The following PCCA variants were observed in gnomAD, a reference collection of about 807,000 sequenced individuals.
PCCA encodes propionyl-CoA carboxylase alpha chain, mitochondrial.
Under a neutral mutation model 101.3 loss-of-function variants are expected in PCCA, and 74 were observed. That is an observed-to-expected ratio of 0.73 (90% CI 0.61 to 0.89). PCCA has a LOEUF of 0.89. Among genes scored for constraint, PCCA ranks in the 40% least tolerant of loss-of-function variants. PCCA has a pLI of 0.00. For missense variants in PCCA, 891 were observed against 907.0 expected (o/e 0.98, Z 0.23); for synonymous variants, 294 against 313.6 (o/e 0.94, Z 0.66).
chr13:100,434,819 C>T (rs2079811724), intron 20 of PCCA, among the ~76,000 whole-genome samples: 1 of 152,224 alleles, frequency 6.6e-6, no homozygotes, highest in Non-Finnish European at 1.5e-5. Context: ...AAGTGATTCT[C>T]ATGAAGTCGC....
chr13:100,133,092 T>G (rs2050720708), intron 4 of PCCA, among the ~76,000 whole-genome samples: 2 of 152,176 alleles, frequency 1.3e-5, no homozygotes, highest in Non-Finnish European at 2.9e-5. Context: ...TTTTAACCAC[T>G]CTAATATGGT....
intron 4 of PCCA, chr13:100,150,910 A>G (rs1594386088): frequency 5.8e-6 from 9 of 1,549,230 alleles, no homozygotes; most frequent in East Asian, 2.2e-5. Context: ...CACGAATCCT[A>G]TATATAACGT....
chr13:100,517,151 G>C (rs2152999378), intron 22 of PCCA, among the ~76,000 whole-genome samples: 1 of 151,468 alleles, frequency 6.6e-6, no homozygotes, highest in South Asian at 2.1e-4. Context: ...GGAGTGGAGG[G>C]AGGGCGGGCA....
intron 21 of PCCA, among the ~76,000 whole-genome samples, chr13:100,501,653 C>T (rs1385344263): frequency 6.6e-6 from 1 of 152,144 alleles, no homozygotes; most frequent in Non-Finnish European, 1.5e-5. Flanking sequence ...GCGGGTGGCT[C>T]ACGAGGTCAG....
intron 19 of PCCA, among the ~76,000 whole-genome samples, chr13:100,377,695 C>T (rs1256627225): frequency 3.9e-5 from 6 of 151,904 alleles, no homozygotes; most frequent in South Asian, 2.1e-4. Context: ...AGGGTTTCAC[C>T]GTGTTAGCCA....
chr13:100,359,622 G>A (rs1474028405), intron 18 of PCCA, among the ~76,000 whole-genome samples: 2 of 152,258 alleles, frequency 1.3e-5, no homozygotes, highest in Admixed American at 6.5e-5. Context: ...GAGTATGAAG[G>A]CATGCAAGAA....
chr13:100,404,071 CGTTCCCGGCAGAAG>C (rs760942662), intron 19 of PCCA, among the ~76,000 whole-genome samples: 2 of 152,100 alleles, frequency 1.3e-5, no homozygotes, highest in Non-Finnish European at 2.9e-5. Flanking sequence ...CCTATCTAAG[CGTTCCCGGCAGAAG>C]GGGCCGTTGT....
intron 22 of PCCA, among the ~76,000 whole-genome samples, chr13:100,524,983 G>GGATGGATAGATAGATAGATA (rs1555330339): frequency 2.9e-5 from 4 of 137,172 alleles, no homozygotes; most frequent in African/African-American, 1.0e-4. Flanking sequence ...TCTCTAAGAT[G>GGATGGATAGATAGATAGATA]GATAGATAGA....
intron 21 of PCCA, among the ~76,000 whole-genome samples, chr13:100,463,336 GTTTTTTTTT>G (rs574359198): frequency 8.7e-6 from 1 of 114,330 alleles, no homozygotes; most frequent in African/African-American, 3.4e-5. Flanking sequence ...TATTGGTGTG[GTTTTTTTTT>G]TTTTTTTTTT....
At chr13:100,527,338 A>G (rs1260783177) in intron 22 of PCCA, 3 of 484,010 alleles carry the variant, frequency 6.2e-6, no homozygotes, top group Non-Finnish European at 1.3e-5. Flanking sequence ...TATTCTGGAC[A>G]TTTCAGGTAA....
At chr13:100,411,189 G>C (rs986254178) in intron 19 of PCCA, among the ~76,000 whole-genome samples, 24 of 150,910 alleles carry the variant, frequency 1.6e-4, no homozygotes, top group African/African-American at 5.1e-4. Flanking sequence ...CAGTAATAAA[G>C]TAACCTTACT....
intron 12 of PCCA, chr13:100,293,145 A>C (rs910621450): frequency 1.1e-5 from 5 of 463,608 alleles, no homozygotes; most frequent in Non-Finnish European, 2.2e-5. Flanking sequence ...TCAGCTGTCC[A>C]TATCTTTGAG....
At chr13:100,437,344 A>T (rs2152910299) in intron 20 of PCCA, among the ~76,000 whole-genome samples, 1 of 152,318 alleles carries the variant, frequency 6.6e-6, no homozygotes, top group East Asian at 1.9e-4. Flanking sequence ...TACCTAAGGG[A>T]GGAGGAAATC....
intron 16 of PCCA, among the ~76,000 whole-genome samples, chr13:100,312,531 G>C (rs1595268155): frequency 1.3e-5 from 2 of 152,194 alleles, no homozygotes; most frequent in East Asian, 3.8e-4. Flanking sequence ...TCTGGTGTTA[G>C]ATGTTAAAAT....
At chr13:100,331,884 G>A (rs376449607) in intron 17 of PCCA, among the ~76,000 whole-genome samples, 9 of 136,708 alleles carry the variant, frequency 6.6e-5, no homozygotes, top group African/African-American at 8.2e-5. Context: ...TTGAATTAAT[G>A]AAAAAAAAAA....
At chr13:100,487,531 T>G (rs908696749) in intron 21 of PCCA, among the ~76,000 whole-genome samples, 1 of 152,210 alleles carries the variant, frequency 6.6e-6, no homozygotes, top group Non-Finnish European at 1.5e-5. Context: ...TAAATTAATA[T>G]TTTTTATTTC....
chr13:100,103,371 G>T (rs1356351453), intron 2 of PCCA, among the ~76,000 whole-genome samples: 1 of 151,334 alleles, frequency 6.6e-6, no homozygotes, highest in African/African-American at 2.4e-5. Context: ...GAGTGCAGTG[G>T]TGTGATCTAG....
intron 2 of PCCA, among the ~76,000 whole-genome samples, chr13:100,108,944 A>C (rs1452013782): frequency 6.6e-6 from 1 of 152,192 alleles, no homozygotes; most frequent in Non-Finnish European, 1.5e-5. Flanking sequence ...TGGAAGATTA[A>C]TTGATATGAT....
intron 19 of PCCA, among the ~76,000 whole-genome samples, chr13:100,395,154 T>A (rs1360149700): frequency 6.6e-6 from 1 of 152,238 alleles, no homozygotes; most frequent in Admixed American, 6.5e-5. Flanking sequence ...AAAGACAAAA[T>A]TAATTTAGAC....
Sources: allele counts gnomAD v4.1 joint callset (sites outside exome capture counted in the v4.1 genomes callset), GRCh38; gene constraint gnomAD v4.1.1; transcripts MANE v1.5; gene names NCBI Gene and HGNC (gene_info 2026-07-23, HGNC 2026-07-21).